TNR: variants seen among roughly 807,000 people sequenced by gnomAD.
The protein encoded by TNR is tenascin-R.
In TNR, 45 loss-of-function variants were observed where a neutral mutation model predicts 150.4. That is an observed-to-expected ratio of 0.30 (90% CI 0.24 to 0.38). The LOEUF (loss-of-function observed/expected upper bound fraction) is 0.38, where lower values mean the gene tolerates loss of function less well. Among genes scored for constraint, TNR ranks in the 10% least tolerant of loss-of-function variants. The pLI, the probability that TNR is intolerant of heterozygous loss-of-function variation, is 1.00. For synonymous variants in TNR, 687 were observed against 678.4 expected, an observed-to-expected ratio of 1.01 and a Z score of -0.20; for missense variants, 1,544 against 1,759.1, an observed-to-expected ratio of 0.88 and a Z score of 2.19.
rs116016687 is a variant in TNR, at chr1:175,421,365, C to T, written c.-63-14588G>A. The stretch of plus-strand genomic sequence containing the variant: ...TTTGATCCTAGTTTGCATTATCAAA[C>T]AGGATTGCTGCAGGGAAATCATTAT... On this transcript the variant is annotated intron_variant, in intron 2 of 22. Coordinates refer to ENST00000367674, the MANE Select transcript of TNR (RefSeq NM_003285.3). 7.8e-3 allele frequency among the ~76,000 whole-genome samples: 1,187 copies of T among 152,302 alleles called. 18 individuals are homozygous for T. The highest frequency in any genetic ancestry group is 0.027 in the African/African-American group (1,132 of 41,558).
intron 2 of TNR, among the ~76,000 whole-genome samples, chr1:175,462,965 G>A (rs1362238910): frequency 1.3e-5 from 2 of 152,210 alleles, no homozygotes; most frequent in African/African-American, 4.8e-5. Context: ...TGGACATAGC[G>A]AGAGAGCGTG....
intron 9 of TNR, among the ~76,000 whole-genome samples, chr1:175,372,830 G>A (rs1652168373): frequency 6.6e-6 from 1 of 152,178 alleles, no homozygotes; most frequent in Non-Finnish European, 1.5e-5. Flanking sequence ...CCAAGTGTCT[G>A]TGAAGCTCAA....
chr1:175,588,952 A>C (rs1662684932), intron 1 of TNR, among the ~76,000 whole-genome samples: 1 of 152,124 alleles, frequency 6.6e-6, no homozygotes, highest in Non-Finnish European at 1.5e-5. Context: ...GGTAACAATG[A>C]TGCATAAGAA....
chr1:175,657,853 G>GTATATATATATATATATATA (rs59315046), intron 1 of TNR, among the ~76,000 whole-genome samples: 16 of 70,476 alleles, frequency 2.3e-4, no homozygotes, highest in Non-Finnish European at 3.0e-4. Flanking sequence ...CATGGAACAT[G>GTATATATATATATATATATA]TATATATATA....
intron 18 of TNR, among the ~76,000 whole-genome samples, chr1:175,338,471 G>A (rs1482169107): frequency 2.0e-5 from 3 of 152,204 alleles, no homozygotes; most frequent in Admixed American, 6.5e-5. Context: ...AAAGCCCACC[G>A]GAGGAGCTTT....
intron 1 of TNR, among the ~76,000 whole-genome samples, chr1:175,602,942 T>C (rs1048802576): frequency 1.3e-5 from 2 of 152,244 alleles, no homozygotes; most frequent in Non-Finnish European, 2.9e-5. Flanking sequence ...ATTTTTTCTT[T>C]GTCTTCTTCT....
At chr1:175,429,654 A>G (rs1275255625) in intron 2 of TNR, among the ~76,000 whole-genome samples, 3 of 152,234 alleles carry the variant, frequency 2.0e-5, no homozygotes, top group Non-Finnish European at 2.9e-5. Flanking sequence ...TTAATATTAC[A>G]TGAAACACTC....
chr1:175,594,878 T>G (rs1388252909), intron 1 of TNR, among the ~76,000 whole-genome samples: 6 of 124,656 alleles, frequency 4.8e-5, no homozygotes, highest in Non-Finnish European at 8.2e-5. Context: ...AAAAAAAAAA[T>G]TATTGGCTGG....
At chr1:175,409,817 C>T (rs1481973199) in intron 2 of TNR, among the ~76,000 whole-genome samples, 2 of 113,046 alleles carry the variant, frequency 1.8e-5, no homozygotes, top group Admixed American at 1.4e-4. Flanking sequence ...CTATTATATG[C>T]TGGTCTTTTT....
chr1:175,447,136 C>A (rs1382059691), intron 2 of TNR, among the ~76,000 whole-genome samples: 1 of 152,082 alleles, frequency 6.6e-6, no homozygotes, highest in Non-Finnish European at 1.5e-5. Flanking sequence ...ACAAGCCCAG[C>A]ACCCTCATCT....
At chr1:175,414,606 T>A (rs1654353776) in intron 2 of TNR, among the ~76,000 whole-genome samples, 1 of 152,220 alleles carries the variant, frequency 6.6e-6, no homozygotes, top group Non-Finnish European at 1.5e-5. Context: ...GGGTAATTTG[T>A]AAGAGGTGGA....
chr1:175,634,186 G>A (rs1021547708), intron 1 of TNR, among the ~76,000 whole-genome samples: 6 of 152,178 alleles, frequency 3.9e-5, no homozygotes, highest in Non-Finnish European at 8.8e-5. Context: ...GAGGAAGATG[G>A]GGAGGAGGGC....
chr1:175,370,758 G>A (rs1213715203), intron 9 of TNR, among the ~76,000 whole-genome samples: 1 of 152,156 alleles, frequency 6.6e-6, no homozygotes, highest in African/African-American at 2.4e-5. Context: ...GATGAAGGGT[G>A]ACAGATGGAG....
At chr1:175,579,996 G>A (rs1662286340) in intron 1 of TNR, among the ~76,000 whole-genome samples, 1 of 152,112 alleles carries the variant, frequency 6.6e-6, no homozygotes, top group African/African-American at 2.4e-5. Flanking sequence ...ATAAGGAAAG[G>A]AAAGCTGGAG....
At chr1:175,735,363 C>A (rs541341661) in intron 1 of TNR, among the ~76,000 whole-genome samples, 5 of 152,348 alleles carry the variant, frequency 3.3e-5, no homozygotes, top group African/African-American at 1.2e-4. Flanking sequence ...TGTCCCTGGG[C>A]CCAGCCACCA....
rs1282188349 is a variant in TNR, at chr1:175,315,842, GT to G, written c.*7514del. On this transcript the variant is annotated 3_prime_UTR_variant, in exon 23 of 23. Transcript: ENST00000367674. Reference sequence around the variant, plus strand: ...TGTGTGTGTGTGTGTGTGTGTGTGTGTGTGAATGATTGGAAGGAGGAGCCTG... The same window carrying G: ...TGTGTGTGTGTGTGTGTGTGTGTGTGGTGAATGATTGGAAGGAGGAGCCTG... 1.3e-5 allele frequency: 2 copies of G among 151,780 alleles called. No homozygotes were observed. The highest frequency in any genetic ancestry group is 2.9e-5 in the Non-Finnish European group (2 of 68,312). The allele number at this position is 151,780 out of a possible 1,614,324, so 9.4% of individuals were successfully genotyped here.
In TNR at chr1:175,354,490, G is replaced by A. The variant is rs1238381479; in HGVS notation, c.3283C>T (p.Arg1095Ter). 1.9e-6 allele frequency: 3 copies of A among 1,613,972 alleles called. No homozygotes were observed. Among genetic ancestry groups the A allele is most frequent in the Non-Finnish European group, 1.7e-6 (2 of 1,180,004 alleles). The change falls in exon 18 of 23, where the codon CGA becomes TGA. Residue 1095 changes from arginine to a stop codon, truncating the protein, a stop_gained. Coordinates refer to ENST00000367674, the MANE Select transcript of TNR (RefSeq NM_003285.3). LOFTEE classifies it high-confidence loss of function. Reference sequence around the variant, plus strand: ...GTGTTCTCCAACAGGCCCTCCAGTCGAATCCAGGTGTCTTCTGCATCCACA... The same window carrying A: ...GTGTTCTCCAACAGGCCCTCCAGTCAAATCCAGGTGTCTTCTGCATCCACA... ...LIVDAEDTWI[R>*]LEGLLENTDY...
intron 2 of TNR, among the ~76,000 whole-genome samples, chr1:175,421,947 A>G (rs1016597388): frequency 1.3e-5 from 2 of 152,198 alleles, no homozygotes; most frequent in East Asian, 1.9e-4. Flanking sequence ...ATGCCAACCA[A>G]TCTTCTAAGG....
chr1:175,364,714 T>A (rs1273105948), intron 12 of TNR, among the ~76,000 whole-genome samples: 1 of 152,226 alleles, frequency 6.6e-6, no homozygotes, highest in Non-Finnish European at 1.5e-5. Flanking sequence ...GGAGACTAGC[T>A]TTCTCCAGTG....
Sources: allele counts gnomAD v4.1 joint callset (sites outside exome capture counted in the v4.1 genomes callset), GRCh38; gene constraint gnomAD v4.1.1; transcripts MANE v1.5; gene names NCBI Gene and HGNC (gene_info 2026-07-23, HGNC 2026-07-21).